The following WDR19 variants were observed in gnomAD, a reference collection of about 807,000 sequenced individuals.
The protein encoded by WDR19 is WD repeat domain 19.
In WDR19, 121 loss-of-function variants were observed where a neutral mutation model predicts 180.0. The observed-to-expected ratio is 0.67, with a 90% CI of 0.58 to 0.78. The LOEUF (loss-of-function observed/expected upper bound fraction) is 0.78, where lower values mean the gene tolerates loss of function less well. Among genes scored for constraint, WDR19 ranks in the 30% least tolerant of loss-of-function variants. The probability of loss-of-function intolerance (pLI) is 0.00; values close to 1 mark genes in which losing one functional copy is unlikely to be tolerated. For synonymous variants in WDR19, 497 were observed against 540.7 expected (o/e 0.92, Z 1.12); for missense variants, 1,450 against 1,640.7 (o/e 0.88, Z 2.01).
chr4:39,262,258 T>G (rs1430722097), intron 28 of WDR19, among the ~76,000 whole-genome samples: 2 of 152,090 alleles, frequency 1.3e-5, no homozygotes. Context: ...ATTGGCCACT[T>G]TTTTCCCCCC....
In WDR19 at chr4:39,186,595, A is replaced by C; in HGVS notation, c.155A>C (p.Asn52Thr). 2 of 1,581,298 alleles carry C rather than the reference A, an allele frequency of 1.3e-6. No individual in the cohort carries two copies. The highest frequency in any genetic ancestry group is 8.6e-7 in the Non-Finnish European group (1 of 1,166,494). Residue 52 changes from asparagine to threonine, a missense_variant, in exon 3 of 37, where the codon AAC becomes ACC. Physicochemically the swap from Asn to Thr is moderately conservative, Grantham distance 65 (BLOSUM62 0). Coordinates refer to ENST00000399820, the MANE Select transcript of WDR19 (RefSeq NM_025132.4). ...CATGGTCAAAAAAGAAGTGAAATTAACTTACCTGGGTAAGTACAGAAGTAG... is the reference window on the plus strand; with the variant it reads ...CATGGTCAAAAAAGAAGTGAAATTACCTTACCTGGGTAAGTACAGAAGTAG... ...DRHGQKRSEI[N>T]LPGNCVAMDW...
chr4:39,280,536 T>G (rs1474527960), intron 36 of WDR19, among the ~76,000 whole-genome samples: 2 of 151,420 alleles, frequency 1.3e-5, no homozygotes, highest in Non-Finnish European at 2.9e-5. Flanking sequence ...ACACCTGTAG[T>G]CCCCGCTGCT....
At chr4:39,201,669 T>A (rs1727388667) in intron 6 of WDR19, among the ~76,000 whole-genome samples, 1 of 152,200 alleles carries the variant, frequency 6.6e-6, no homozygotes, top group African/African-American at 2.4e-5. Flanking sequence ...AAATATGGTA[T>A]AAATGCTACA....
chr4:39,211,647 G>A (rs961893080), intron 9 of WDR19, among the ~76,000 whole-genome samples: 1 of 152,066 alleles, frequency 6.6e-6, no homozygotes, highest in Non-Finnish European at 1.5e-5. Flanking sequence ...AAACAAAAAT[G>A]AAAACCAATA....
At chr4:39,242,790 C>A (rs1732095417) in intron 21 of WDR19, among the ~76,000 whole-genome samples, 1 of 152,208 alleles carries the variant, frequency 6.6e-6, no homozygotes, top group Non-Finnish European at 1.5e-5. Flanking sequence ...ACCTCTCAGC[C>A]TCCTGAATAG....
intron 27 of WDR19, among the ~76,000 whole-genome samples, chr4:39,256,925 C>T (rs1031376552): frequency 6.6e-6 from 1 of 151,912 alleles, no homozygotes; most frequent in African/African-American, 2.4e-5. Context: ...TTCCTCAGAG[C>T]ACCTATTAAA....
Position 39,203,633 on chromosome 4 carries a change from C to T in WDR19, c.523-9C>T. 6.2e-7 allele frequency: 1 copy of T among 1,607,998 alleles called. No individual in the cohort carries two copies. The highest frequency in any genetic ancestry group is 8.5e-7 in the Non-Finnish European group (1 of 1,176,772). The stretch of plus-strand genomic sequence containing the variant: ...TTTGTTCATAGTGATGATGTTTTTA[C>T]TCCTTTAGACACAAGTGAGATCAGA... On this transcript the variant is annotated splice_polypyrimidine_tract_variant and intron_variant, in intron 6 of 36. Transcript: ENST00000399820.
At chr4:39,261,470 A>G (rs900417515) in intron 28 of WDR19, among the ~76,000 whole-genome samples, 1 of 152,240 alleles carries the variant, frequency 6.6e-6, no homozygotes, top group African/African-American at 2.4e-5. Context: ...TGGAAGAAGA[A>G]GAAGACGACT....
chr4:39,252,226 GA>G (rs1733282925), intron 24 of WDR19, among the ~76,000 whole-genome samples: 1 of 151,640 alleles, frequency 6.6e-6, no homozygotes, highest in African/African-American at 2.4e-5. Context: ...GATGAAGCTG[GA>G]AACCATCATT....
intron 31 of WDR19, 28 bp downstream of exon 31, chr4:39,270,128 T>A (rs1482198946): frequency 1.2e-6 from 2 of 1,609,926 alleles, no homozygotes; most frequent in African/African-American, 2.7e-5. Context: ...ACTTGGGACA[T>A]AACCTGCCAG....
At chr4:39,185,953 TGG>T in intron 2 of WDR19, 136 bp downstream of exon 2, 1 of 704,586 alleles carries the variant, frequency 1.4e-6, no homozygotes, top group Non-Finnish European at 2.2e-6. Flanking sequence ...TGGAGTGCAG[TGG>T]CACGATCTCA....
intron 9 of WDR19, among the ~76,000 whole-genome samples, chr4:39,209,920 T>C (rs1728324057): frequency 6.6e-6 from 1 of 152,108 alleles, no homozygotes; most frequent in African/African-American, 2.4e-5. Flanking sequence ...TTTGACAACC[T>C]AGAAGAAATG....
chr4:39,185,559 ATTTTGT>A, intron 1 of WDR19, 161 bp from the exon 2 acceptor site: 3 of 565,886 alleles, frequency 5.3e-6, no homozygotes, highest in Non-Finnish European at 9.2e-6. Flanking sequence ...TGGTTGGTTG[ATTTTGT>A]TTTATTTCTT....
intron 36 of WDR19, among the ~76,000 whole-genome samples, chr4:39,283,657 TATA>T (rs1372875273): frequency 6.6e-6 from 1 of 151,998 alleles, no homozygotes; most frequent in Non-Finnish European, 1.5e-5. Context: ...AATACAATGA[TATA>T]ATTTTTCTTT....
At chr4:39,233,608 G>T (rs1731101530) in intron 19 of WDR19, among the ~76,000 whole-genome samples, 1 of 152,068 alleles carries the variant, frequency 6.6e-6, no homozygotes, top group South Asian at 2.1e-4. Context: ...GGGAGCGTTT[G>T]TTATTAATTT....
intron 9 of WDR19, among the ~76,000 whole-genome samples, chr4:39,212,784 A>T (rs1728685818): frequency 6.6e-6 from 1 of 152,234 alleles, no homozygotes; most frequent in Non-Finnish European, 1.5e-5. Flanking sequence ...ATATGTTATC[A>T]ACCCAACACT....
chr4:39,194,926 C>T lies in WDR19; in HGVS notation c.406+267C>T, dbSNP rs1024253100. The T allele has an allele frequency of 1.0e-5, 4 of 396,702 alleles. No individual in the cohort carries two copies. The South Asian group carries it at 2.3e-4, about 22-fold the overall frequency. The allele number at this position is 396,702 out of a possible 1,614,324, so 24.6% of individuals were successfully genotyped here. Reference sequence around the variant, plus strand: ...CATTAACAGCATGGCTTCCATTTGTCCTTTCCCACCCAGACTGTACCTCTG... The same window carrying T: ...CATTAACAGCATGGCTTCCATTTGTTCTTTCCCACCCAGACTGTACCTCTG... On this transcript the variant is annotated intron_variant, in intron 5 of 36. Coordinates refer to ENST00000399820, the MANE Select transcript of WDR19 (RefSeq NM_025132.4).
At chr4:39,209,281 T>C (rs1577882763) in intron 9 of WDR19, among the ~76,000 whole-genome samples, 1 of 151,892 alleles carries the variant, frequency 6.6e-6, no homozygotes, top group South Asian at 2.1e-4. Context: ...AATTAAAAAA[T>C]ACATAGAACT....
intron 36 of WDR19, among the ~76,000 whole-genome samples, chr4:39,280,452 AGTTTGAG>A (rs1195502618): frequency 6.6e-6 from 1 of 152,076 alleles, no homozygotes; most frequent in Non-Finnish European, 1.5e-5. Context: ...TGAGCTCAGA[AGTTTGAG>A]ACCAGCCTGG....
Sources: gnomAD v4.1 joint callset for allele counts (sites outside exome capture counted in the v4.1 genomes callset) on GRCh38, gnomAD v4.1.1 for gene constraint, MANE v1.5 for transcripts, NCBI Gene and HGNC (gene_info 2026-07-23, HGNC 2026-07-21) for gene names.